The following DLGAP1 variants were observed in gnomAD, a reference collection of about 807,000 sequenced individuals.
DLGAP1 encodes disks large-associated protein 1.
A neutral mutation model predicts 90.8 loss-of-function variants in DLGAP1; 11 were observed. That is an observed-to-expected ratio of 0.12 (90% confidence interval 0.08 to 0.20). The LOEUF (loss-of-function observed/expected upper bound fraction) is 0.20. DLGAP1 is among the 10% of genes least tolerant of loss of function. The probability of loss-of-function intolerance (pLI) is 1.00; values close to 1 mark genes in which losing one functional copy is unlikely to be tolerated. For synonymous variants in DLGAP1, 558 were observed against 540.7 expected, an observed-to-expected ratio of 1.03 and a Z score of -0.44; for missense variants, 1,050 against 1,333.8, an observed-to-expected ratio of 0.79 and a Z score of 3.31.
intron 7 of DLGAP1, among the ~76,000 whole-genome samples, chr18:3,706,970 T>C (rs970174599): frequency 3.3e-5 from 5 of 152,168 alleles, no homozygotes; most frequent in African/African-American, 9.7e-5. Flanking sequence ...AATATGGAAT[T>C]TAAGAGAAGA....
intron 1 of DLGAP1, among the ~76,000 whole-genome samples, chr18:4,231,459 G>A (rs1490460677): frequency 6.6e-6 from 1 of 152,148 alleles, no homozygotes; most frequent in African/African-American, 2.4e-5. Flanking sequence ...CAGATAGGCT[G>A]AGAGAGAAAC....
intron 9 of DLGAP1, among the ~76,000 whole-genome samples, chr18:3,557,386 G>A (rs940008998): frequency 6.6e-6 from 1 of 152,100 alleles, no homozygotes; most frequent in Admixed American, 6.6e-5. Flanking sequence ...GCTGGGTGTG[G>A]TGGCGTGCCC....
intron 6 of DLGAP1, among the ~76,000 whole-genome samples, chr18:3,733,851 A>G (rs561496820): frequency 1.3e-5 from 2 of 152,256 alleles, no homozygotes; most frequent in East Asian, 3.9e-4. Context: ...TACACACATC[A>G]TTTTCTTCCA....
At chr18:3,893,279 T>C (rs2071524625) in intron 3 of DLGAP1, among the ~76,000 whole-genome samples, 1 of 152,124 alleles carries the variant, frequency 6.6e-6, no homozygotes, top group Non-Finnish European at 1.5e-5. Flanking sequence ...ATACCACATT[T>C]AAAAATGCAA....
chr18:3,586,079 A>G (rs2055867140), intron 7 of DLGAP1, among the ~76,000 whole-genome samples: 2 of 152,160 alleles, frequency 1.3e-5, no homozygotes, highest in Admixed American at 1.3e-4. Context: ...CAACAGGGAC[A>G]TTGGCAGAGT....
intron 1 of DLGAP1, among the ~76,000 whole-genome samples, chr18:4,239,893 C>A (rs1199120637): frequency 6.6e-6 from 1 of 152,168 alleles, no homozygotes; most frequent in Non-Finnish European, 1.5e-5. Context: ...GTCTGCAAAT[C>A]CACATTGAAT....
intron 1 of DLGAP1, among the ~76,000 whole-genome samples, chr18:4,307,700 G>C (rs1598866076): frequency 6.9e-6 from 1 of 144,160 alleles, no homozygotes; most frequent in African/African-American, 2.5e-5. Context: ...TAGCAAACTT[G>C]AGGGTTTACT....
At chr18:3,620,897 A>G (rs1338894643) in intron 7 of DLGAP1, among the ~76,000 whole-genome samples, 2 of 152,116 alleles carry the variant, frequency 1.3e-5, no homozygotes, top group Non-Finnish European at 2.9e-5. Context: ...GTGACCAGAA[A>G]TTATACATAT....
intron 2 of DLGAP1, among the ~76,000 whole-genome samples, chr18:4,014,560 C>T (rs867728917): frequency 6.6e-6 from 1 of 151,922 alleles, no homozygotes; most frequent in African/African-American, 2.4e-5. Flanking sequence ...CTGTAATGTC[C>T]CCAACACAAA....
intron 3 of DLGAP1, among the ~76,000 whole-genome samples, chr18:3,914,352 G>C (rs547412114): frequency 2.0e-5 from 3 of 151,560 alleles, no homozygotes; most frequent in African/African-American, 7.3e-5. Flanking sequence ...ATGTTTTCCA[G>C]ATGCATCCAT....
chr18:4,083,177 A>G (rs557360902), intron 2 of DLGAP1, among the ~76,000 whole-genome samples: 1 of 152,204 alleles, frequency 6.6e-6, no homozygotes, highest in Non-Finnish European at 1.5e-5. Context: ...ATTATTCCAC[A>G]TAAGTGTTTG....
intron 7 of DLGAP1, among the ~76,000 whole-genome samples, chr18:3,664,208 ACACACACACC>A (rs767522193): frequency 0.051 from 7,286 of 142,618 alleles, 263 homozygotes; most frequent in African/African-American, 0.1. Flanking sequence ...ACACACACAC[ACACACACACC>A]CACACACACA....
intron 1 of DLGAP1, among the ~76,000 whole-genome samples, chr18:4,310,137 T>C (rs1159222456): frequency 6.6e-6 from 1 of 152,196 alleles, no homozygotes; most frequent in Non-Finnish European, 1.5e-5. Flanking sequence ...TAGGAGATAC[T>C]TCTGTGAAGG....
At chr18:4,401,990 C>G (rs1397638357) in intron 1 of DLGAP1, among the ~76,000 whole-genome samples, 1 of 152,162 alleles carries the variant, frequency 6.6e-6, no homozygotes, top group Non-Finnish European at 1.5e-5. Context: ...TAACAAGCAC[C>G]TAGGTGATTT....
chr18:3,567,491 A>G lies in DLGAP1; in HGVS notation c.2056T>C (p.Cys686Arg). The change falls in exon 9 of 13, where the codon TGC becomes CGC. Residue 686 changes from cysteine (C) to arginine (R), a missense_variant and splice_region_variant. Cys to Arg is a radical substitution (Grantham distance 180). Transcript: ENST00000315677. Reference sequence around the variant, plus strand: ...GAGGATGCGTGCATGTGGACTTACCACTTCTCTTCTTCTACTTGCACTCCC... The same window carrying G: ...GAGGATGCGTGCATGTGGACTTACCGCTTCTCTTCTTCTACTTGCACTCCC... ...SVGVQVEEEK[C>R]FRRFTRSNSV... 1 of 1,613,370 alleles carries G rather than the reference A, an allele frequency of 6.2e-7. No homozygotes were observed. The highest frequency in any genetic ancestry group is 8.5e-7 in the Non-Finnish European group (1 of 1,179,502).
chr18:3,555,548 C>T (rs1042523947), intron 9 of DLGAP1, among the ~76,000 whole-genome samples: 1 of 152,118 alleles, frequency 6.6e-6, no homozygotes, highest in East Asian at 1.9e-4. Flanking sequence ...CAGTGGCTCA[C>T]GTCTGTAATC....
intron 5 of DLGAP1, among the ~76,000 whole-genome samples, chr18:3,765,202 ATTG>A (rs1371250189): frequency 0.01 from 1,310 of 128,308 alleles, 23 homozygotes; most frequent in African/African-American, 0.039. Context: ...GTCTCGGCTC[ATTG>A]CAGCAAGCTT....
In DLGAP1 at chr18:3,729,052, T is replaced by C. The variant is rs995142476; in HGVS notation, c.1591+83A>G. On this transcript the variant is annotated intron_variant, in intron 7 of 12. Coordinates refer to ENST00000315677, the MANE Select transcript of DLGAP1 (RefSeq NM_004746.4). The surrounding 1 kb of genome is among the most constrained non-coding windows in gnomAD (Gnocchi z 6.2). ...ATCTTGTTCCTGGCAACTATGTGTG[T>C]TGACAGCAAGGGCACAGTCTTTGGG... 6.6e-7 allele frequency: 1 copy of C among 1,510,226 alleles called. No homozygotes were observed. Among genetic ancestry groups the C allele is most frequent in the African/African-American group, 1.4e-5 (1 of 72,924 alleles). 93.6% of individuals were successfully genotyped at this position (1,510,226 alleles called of 1,614,324 possible).
intron 7 of DLGAP1, among the ~76,000 whole-genome samples, chr18:3,703,584 T>C (rs1217671218): frequency 6.6e-6 from 1 of 152,256 alleles, no homozygotes; most frequent in East Asian, 1.9e-4. Context: ...TGTTTCTTTT[T>C]AGAAGACGGA....
Sources: allele counts gnomAD v4.1 joint callset (sites outside exome capture counted in the v4.1 genomes callset), GRCh38; gene constraint gnomAD v4.1.1; non-coding constraint Gnocchi (gnomAD v3.1); transcripts MANE v1.5; gene names NCBI Gene and HGNC (gene_info 2026-07-23, HGNC 2026-07-21).